Variants in TG observed in about 807,000 individuals in gnomAD.
The protein encoded by TG is thyroglobulin.
A neutral mutation model predicts 324.7 loss-of-function variants in TG; 270 were observed. The observed-to-expected ratio is 0.83, with a 90% CI of 0.75 to 0.92. The LOEUF (loss-of-function observed/expected upper bound fraction) is 0.92, where lower values mean the gene tolerates loss of function less well. Ranked by LOEUF, TG falls within the 40% of genes least tolerant of loss-of-function variation. The probability of loss-of-function intolerance (pLI) is 0.00; values close to 1 mark genes in which losing one functional copy is unlikely to be tolerated. For synonymous variants in TG, 1,401 were observed against 1,327.0 expected (o/e 1.06, Z -1.21); for missense variants, 3,591 against 3,456.4 (o/e 1.04, Z -0.98).
rs925505839 is a variant in TG, at chr8:132,882,955, A to G, written c.1031A>G (p.Lys344Arg). The change falls in exon 8 of 48, where the codon AAG becomes AGG. Residue 344 changes from lysine to arginine, a missense_variant. Lys to Arg is a conservative substitution (Grantham distance 26). Coordinates refer to ENST00000220616, the MANE Select transcript of TG (RefSeq NM_003235.5). The stretch of plus-strand genomic sequence containing the variant: ...TGCTGGTGTGTGGACGCCCAGGGGA[A>G]GGAAATGCATGGAACCCGGCAGCAA... ...GPCWCVDAQGKEMHGTRQQGE... is the reference protein window; with the variant it reads ...GPCWCVDAQGREMHGTRQQGE... 2.5e-6 allele frequency: 4 copies of G among 1,614,016 alleles called. No individual in the cohort carries two copies. The highest frequency in any genetic ancestry group is 1.1e-5 in the South Asian group (1 of 91,084).
intron 43 of TG, among the ~76,000 whole-genome samples, chr8:133,096,628 C>G (rs1198900359): frequency 2.6e-5 from 4 of 152,210 alleles, no homozygotes; most frequent in Admixed American, 6.5e-5. Context: ...CCCAGAAGCT[C>G]TGCAGCTCAG....
At chr8:133,089,147 G>A (rs1847094720) in intron 41 of TG, among the ~76,000 whole-genome samples, 3 of 152,110 alleles carry the variant, frequency 2.0e-5, no homozygotes, top group Admixed American at 2.0e-4. Flanking sequence ...GACCTTACAA[G>A]TCACCGATGG....
chr8:133,049,912 C>T (rs1840090657), intron 41 of TG: 1 of 1,609,270 alleles, frequency 6.2e-7, no homozygotes, highest in Non-Finnish European at 8.5e-7. Flanking sequence ...CCATGGTAAA[C>T]TCTGGCCACA....
intron 16 of TG, among the ~76,000 whole-genome samples, chr8:132,906,341 TA>T (rs1018176916): frequency 6.6e-6 from 1 of 151,988 alleles, no homozygotes; most frequent in African/African-American, 2.4e-5. Context: ...TGGCAGATAC[TA>T]AGTTCAGGCC....
At chr8:132,939,554 G>C (rs1483651077) in intron 25 of TG, among the ~76,000 whole-genome samples, 2 of 152,220 alleles carry the variant, frequency 1.3e-5, no homozygotes, top group Non-Finnish European at 2.9e-5. Context: ...GTGAGCCAAT[G>C]CTTGGAGGGA....
At chr8:133,089,001 G>A (rs950367604) in intron 41 of TG, among the ~76,000 whole-genome samples, 8 of 152,260 alleles carry the variant, frequency 5.3e-5, no homozygotes, top group Admixed American at 4.6e-4. Context: ...TGTCCTGGCT[G>A]CTCAATAGCA....
chr8:132,901,292 G>A, intron 15 of TG, 61 bp from the exon 16 acceptor site: 2 of 1,597,132 alleles, frequency 1.3e-6, no homozygotes, highest in Non-Finnish European at 8.6e-7. Flanking sequence ...GAGGGTGATT[G>A]GGCATCTGAG....
At chr8:132,995,492 A>G in intron 35 of TG, 2 of 985,356 alleles carry the variant, frequency 2.0e-6, no homozygotes, top group Non-Finnish European at 2.4e-6. Flanking sequence ...GGAGGCCTCC[A>G]TGGTGCTGGA....
intron 5 of TG, 73 bp downstream of exon 5, chr8:132,873,294 C>T: frequency 1.9e-6 from 3 of 1,569,282 alleles, no homozygotes; most frequent in Non-Finnish European, 1.7e-6. Flanking sequence ...GAGCTGGGGG[C>T]CTCCATGTGT....
In TG at chr8:133,017,901, T is replaced by C; in HGVS notation, c.6686T>C (p.Leu2229Pro). ...GTSWKQVDQF[L>P]GVPYAAPPLA... ...TCATGGAAGCAAGTGGACCAGTTCC[T>C]TGGAGTTCCATATGCTGCCCCGCCC... Residue 2229 changes from leucine (L) to proline (P), a missense_variant, in exon 38 of 48, where the codon CTT becomes CCT. Coordinates refer to ENST00000220616, the MANE Select transcript of TG (RefSeq NM_003235.5). 6.2e-7 allele frequency: 1 copy of C among 1,614,222 alleles called. No individual in the cohort carries two copies. The highest frequency in any genetic ancestry group is 8.5e-7 in the Non-Finnish European group (1 of 1,180,048).
At chr8:132,888,936 C>T (rs111376963) in intron 10 of TG, among the ~76,000 whole-genome samples, 2,469 of 152,238 alleles carry the variant, frequency 0.016, 72 homozygotes, top group African/African-American at 0.057. Flanking sequence ...GTTTAGTAAT[C>T]GCTCCTATGT....
chr8:133,019,408 C>T (rs2293210), intron 38 of TG, among the ~76,000 whole-genome samples, 194 bp from the exon 39 acceptor site: 20,792 of 152,238 alleles, frequency 0.14, 1,825 homozygotes, highest in East Asian at 0.23. Context: ...GGCCAGAGAG[C>T]GGTGGGCACT....
In TG at chr8:132,956,473, T is replaced by C. The variant is rs143347220; in HGVS notation, c.5402-4535T>C. The stretch of plus-strand genomic sequence containing the variant: ...GGGGGTGTGTGACCAGCTGGAGAGC[T>C]CAGGGAAGCCTTTCAGGAGGCAGTG... On this transcript the variant is annotated intron_variant, in intron 27 of 47. Coordinates refer to ENST00000220616, the MANE Select transcript of TG (RefSeq NM_003235.5). Among the ~76,000 whole-genome samples the C allele has an allele frequency of 4.8e-3, 738 of 152,190 alleles. 4 individuals carry two copies. The Middle Eastern group carries it at 0.051, about 11-fold the overall frequency.
chr8:133,128,552 C>T (rs986911155), intron 45 of TG, among the ~76,000 whole-genome samples: 3 of 152,102 alleles, frequency 2.0e-5, no homozygotes, highest in Non-Finnish European at 2.9e-5. Context: ...GGAGGCTGAA[C>T]GGAGATGATC....
chr8:132,879,334 A>G (rs1366328264), intron 5 of TG, among the ~76,000 whole-genome samples: 1 of 152,196 alleles, frequency 6.6e-6, no homozygotes, highest in Non-Finnish European at 1.5e-5. Context: ...TTGAACGAGC[A>G]CTGGAAATGG....
chr8:133,133,967 G>A (rs1460279548), intron 47 of TG, among the ~76,000 whole-genome samples: 2 of 152,196 alleles, frequency 1.3e-5, no homozygotes, highest in Non-Finnish European at 2.9e-5. Flanking sequence ...CTAGAACGTT[G>A]GTATGGGAAG....
chr8:132,967,859 A>C lies in TG; in HGVS notation c.5752A>C (p.Thr1918Pro), dbSNP rs767374452. Residue 1918 changes from threonine to proline, a missense_variant, in exon 31 of 48, where the codon ACC becomes CCC. Physicochemically the swap from Thr to Pro is conservative, Grantham distance 38 (BLOSUM62 -1). Transcript: ENST00000220616. ...EITESASLYFTCTLYPEAQVC... is the reference protein window; with the variant it reads ...EITESASLYFPCTLYPEAQVC... Reference sequence around the variant, plus strand: ...AACAGAGAGTGCATCCTTGTACTTCACCTGCACCCTCTACCCAGAGGCACA... The same window carrying C: ...AACAGAGAGTGCATCCTTGTACTTCCCCTGCACCCTCTACCCAGAGGCACA... 4 of 1,613,906 alleles carry C rather than the reference A, an allele frequency of 2.5e-6. No homozygotes were observed. The South Asian group carries it at 4.4e-5, about 18-fold the overall frequency.
At chr8:132,970,761 A>G (rs147151858) in intron 32 of TG, among the ~76,000 whole-genome samples, 2 of 152,182 alleles carry the variant, frequency 1.3e-5, no homozygotes, top group Non-Finnish European at 2.9e-5. Flanking sequence ...GTCTGGACTC[A>G]GGAAAATGTA....
chr8:132,882,654 G>C (rs763960508), intron 7 of TG, 42 bp downstream of exon 7: 3 of 1,614,086 alleles, frequency 1.9e-6, no homozygotes, highest in Non-Finnish European at 2.5e-6. Flanking sequence ...TTCCATTAGG[G>C]GGACGCCTCT....
Sources: gnomAD v4.1 joint callset for allele counts (sites outside exome capture counted in the v4.1 genomes callset) on GRCh38, gnomAD v4.1.1 for gene constraint, MANE v1.5 for transcripts, NCBI Gene and HGNC (gene_info 2026-07-23, HGNC 2026-07-21) for gene names.